The following THOC2 variants were observed in gnomAD, a reference collection of about 807,000 sequenced individuals.
The protein encoded by THOC2 is THO complex subunit 2.
A neutral mutation model predicts 128.4 loss-of-function variants in THOC2; 10 were observed. The observed-to-expected ratio is 0.08, with a 90% CI of 0.05 to 0.13. THOC2 has a LOEUF of 0.13. THOC2 is among the 10% of genes least tolerant of loss of function. The probability of loss-of-function intolerance (pLI) is 1.00; values close to 1 mark genes in which losing one functional copy is unlikely to be tolerated. For missense variants in THOC2, 535 were observed against 1,155.7 expected, an observed-to-expected ratio of 0.46 and a Z score of 7.79; for synonymous variants, 393 against 396.9, an observed-to-expected ratio of 0.99 and a Z score of 0.12.
At chrX:123,641,709 A>G (rs2047919850) in intron 15 of THOC2, among the ~76,000 whole-genome samples, 1 of 111,333 alleles carries the variant, frequency 9.0e-6, no homozygotes, top group African/African-American at 3.3e-5. Flanking sequence ...TGGAGGGACA[A>G]ACAAACAAAA....
intron 38 of THOC2, among the ~76,000 whole-genome samples, chrX:123,608,463 C>G (rs1422220732): frequency 1.0e-5 from 1 of 99,546 alleles, no homozygotes; most frequent in Non-Finnish European, 2.0e-5. Context: ...GTGGCTCAGA[C>G]CTGTAATCCC....
chrX:123,602,599 T>C (rs2046320615), intron 38 of THOC2: 1 of 112,239 alleles, frequency 8.9e-6, no homozygotes, highest in South Asian at 3.7e-4. Flanking sequence ...GAGTGACTGC[T>C]AATAGGCATG....
intron 21 of THOC2, 120 bp from the exon 22 acceptor site, chrX:123,631,972 T>G (rs984454992): frequency 2.7e-5 from 17 of 635,657 alleles, no homozygotes; most frequent in Admixed American, 3.6e-5. Flanking sequence ...TTAGAGACTA[T>G]CTACAAGTAT....
At position 123,621,163 on chromosome X, in the gene THOC2, C is replaced by G; in HGVS notation, c.4210G>C (p.Glu1404Gln). 8.4e-7 allele frequency: 1 copy of G among 1,197,484 alleles called. No individual in the cohort carries two copies. Among genetic ancestry groups the G allele is most frequent in the Non-Finnish European group, 1.1e-6 (1 of 890,828 alleles). ...PVPRSDIPEP[E>Q]REQKRRKIDT... The stretch of plus-strand genomic sequence containing the variant: ...TAAAGAAAGGTAAACTTGCCCCTTT[C>G]AGGCTCTGGAATATCTGATCTGGGA... Residue 1404 changes from glutamate (E) to glutamine (Q), a missense_variant, in exon 31 of 39, where the codon GAA (glutamate) becomes CAA (glutamine). By Grantham distance (29) the Glu-to-Gln change is conservative. Transcript: ENST00000245838.
intron 12 of THOC2, among the ~76,000 whole-genome samples, chrX:123,656,445 A>G (rs1171295649): frequency 9.1e-6 from 1 of 110,345 alleles, no homozygotes; most frequent in Non-Finnish European, 1.9e-5. Context: ...ACGGTGTTTG[A>G]CACCTGTAAT....
intron 9 of THOC2, among the ~76,000 whole-genome samples, chrX:123,669,486 T>C (rs1163202730): frequency 8.1e-5 from 9 of 110,761 alleles, no homozygotes; most frequent in African/African-American, 2.6e-4. Flanking sequence ...CAGGGTGATT[T>C]TGTACTTTTA....
intron 6 of THOC2, 41 bp downstream of exon 6, chrX:123,696,680 A>C (rs1162821603): frequency 8.6e-7 from 1 of 1,159,774 alleles, no homozygotes; most frequent in African/African-American, 1.8e-5. Flanking sequence ...GAAAAAACAT[A>C]CTCAGATACT....
chrX:123,694,354 C>A (rs1978779766), intron 7 of THOC2, among the ~76,000 whole-genome samples: 1 of 111,470 alleles, frequency 9.0e-6, no homozygotes, highest in African/African-American at 3.3e-5. Flanking sequence ...GTGGCTCAAG[C>A]CTGCAATCCC....
intron 12 of THOC2, among the ~76,000 whole-genome samples, chrX:123,662,096 T>C (rs1159391441): frequency 1.8e-5 from 2 of 112,536 alleles, no homozygotes; most frequent in Non-Finnish European, 3.7e-5. Context: ...TTCTATACAG[T>C]TGCTGTTGTC....
At chrX:123,609,661 C>T (rs1163799064) in intron 38 of THOC2, among the ~76,000 whole-genome samples, 6 of 111,380 alleles carry the variant, frequency 5.4e-5, no homozygotes, top group African/African-American at 1.6e-4. Flanking sequence ...AATATATTAA[C>T]GAAGTATAGA....
intron 25 of THOC2, among the ~76,000 whole-genome samples, chrX:123,625,633 T>A (rs749135801): frequency 1.8e-5 from 2 of 110,557 alleles, no homozygotes; most frequent in Admixed American, 9.7e-5. Flanking sequence ...TGAGTGCCTA[T>A]TACATATCAG....
chrX:123,702,468 T>C (rs1177126450), intron 4 of THOC2, among the ~76,000 whole-genome samples: 2 of 105,477 alleles, frequency 1.9e-5, no homozygotes, highest in Non-Finnish European at 3.9e-5. Flanking sequence ...TGAAACCCCA[T>C]CTCTACCAAT....
chrX:123,643,081 T>G (rs1286023426), intron 15 of THOC2, among the ~76,000 whole-genome samples: 1 of 110,925 alleles, frequency 9.0e-6, no homozygotes, highest in Non-Finnish European at 1.9e-5. Context: ...TGGAGCTCAC[T>G]CTCCAAGAAT....
At chrX:123,716,657 AG>A (rs1438379735) in intron 1 of THOC2, among the ~76,000 whole-genome samples, 2 of 103,192 alleles carry the variant, frequency 1.9e-5, no homozygotes, top group Admixed American at 1.1e-4. Flanking sequence ...TGAACCCGGG[AG>A]GCGGAGCTTG....
chrX:123,661,678 T>C (rs1161142683), intron 12 of THOC2, among the ~76,000 whole-genome samples: 1 of 111,693 alleles, frequency 9.0e-6, no homozygotes, highest in African/African-American at 3.2e-5. Context: ...AGAAATGATA[T>C]ACTTCCATTT....
intron 12 of THOC2, among the ~76,000 whole-genome samples, chrX:123,653,934 T>C (rs899311836): frequency 4.5e-5 from 5 of 112,056 alleles, no homozygotes; most frequent in Non-Finnish European, 9.4e-5. Flanking sequence ...TAAATCATTC[T>C]ACTATAAAGA....
chrX:123,725,608 C>A (rs1260588383), intron 1 of THOC2, among the ~76,000 whole-genome samples: 2 of 77,505 alleles, frequency 2.6e-5, no homozygotes, highest in Non-Finnish European at 4.7e-5. Context: ...CAGAGTGAGA[C>A]CCTATCTCAA....
At position 123,610,969 on chromosome X, in the gene THOC2, T is replaced by C; in HGVS notation, c.4755-6A>G. ...GCTTGTCCGAGGACTTATGAGTAGA[T>C]GACAAATTAAGGGAAAACAACTTTT... On this transcript the variant is annotated splice_region_variant and splice_polypyrimidine_tract_variant and intron_variant, in intron 37 of 38. Transcript: ENST00000245838. The C allele has an allele frequency of 2.5e-6, 3 of 1,208,318 alleles. No individual in the cohort carries two copies. Among genetic ancestry groups the C allele is most frequent in the Non-Finnish European group, 3.4e-6 (3 of 893,684 alleles).
At chrX:123,709,478 C>G (rs1054221055) in intron 2 of THOC2, among the ~76,000 whole-genome samples, 13 of 110,688 alleles carry the variant, frequency 1.2e-4, no homozygotes, top group Admixed American at 4.8e-4. Context: ...GTAGTCCCGG[C>G]TACTCAGGAG....
Sources: allele counts gnomAD v4.1 joint callset (sites outside exome capture counted in the v4.1 genomes callset), GRCh38; gene constraint gnomAD v4.1.1; transcripts MANE v1.5; gene names NCBI Gene and HGNC (gene_info 2026-07-23, HGNC 2026-07-21).